Variants in INPP5A observed in about 807,000 individuals in gnomAD.
INPP5A encodes inositol polyphosphate-5-phosphatase A.
Under a neutral mutation model 65.2 loss-of-function variants are expected in INPP5A, and 14 were observed. That is an observed-to-expected ratio of 0.21 (90% confidence interval 0.14 to 0.34). The LOEUF (loss-of-function observed/expected upper bound fraction) is 0.34, where lower values mean the gene tolerates loss of function less well. Among genes scored for constraint, INPP5A ranks in the 10% least tolerant of loss-of-function variants. The pLI, the probability that INPP5A is intolerant of heterozygous loss-of-function variation, is 1.00. For missense variants in INPP5A, 431 were observed against 545.6 expected, an observed-to-expected ratio of 0.79 and a Z score of 2.09; for synonymous variants, 207 against 208.3, an observed-to-expected ratio of 0.99 and a Z score of 0.05.
At chr10:132,682,900 CAT>C (rs546031772) in intron 4 of INPP5A, among the ~76,000 whole-genome samples, 37 of 148,456 alleles carry the variant, frequency 2.5e-4, no homozygotes, top group African/African-American at 5.0e-4. Context: ...TGTGTGTACA[CAT>C]GTGTGTGATC....
At chr10:132,548,620 C>A (rs2071008872) in intron 1 of INPP5A, among the ~76,000 whole-genome samples, 1 of 152,200 alleles carries the variant, frequency 6.6e-6, no homozygotes, top group African/African-American at 2.4e-5. Flanking sequence ...AGTCCCTGCT[C>A]CCGGCCCTGG....
Position 132,543,297 on chromosome 10 carries a change from C to T in INPP5A, c.75+5126C>T, listed in dbSNP as rs187265328. ...TTCCTCTCTGTGGATTTGCCTGTCC[C>T]GGGCGTTTCACATACATGGGATCAG... On this transcript the variant is annotated intron_variant, in intron 1 of 15. Coordinates refer to ENST00000368594, the MANE Select transcript of INPP5A (RefSeq NM_005539.5). Among the ~76,000 whole-genome samples, 132 of 152,312 alleles carry T rather than the reference C, an allele frequency of 8.7e-4. No homozygotes were observed. In the Middle Eastern group the frequency reaches 0.027, roughly 31 times the overall value.
At chr10:132,689,154 GAC>G (rs371984616) in intron 4 of INPP5A, among the ~76,000 whole-genome samples, 123 of 152,352 alleles carry the variant, frequency 8.1e-4, no homozygotes, top group African/African-American at 2.8e-3. Context: ...GGCTCACACA[GAC>G]ACAGTGAGGG....
intron 2 of INPP5A, among the ~76,000 whole-genome samples, chr10:132,628,269 T>C (rs1464226158): frequency 6.6e-6 from 1 of 152,154 alleles, no homozygotes; most frequent in Admixed American, 6.5e-5. Flanking sequence ...AGGCTCCCCT[T>C]TCTGGGCTGT....
At chr10:132,703,768 A>C (rs28610301) in intron 6 of INPP5A, among the ~76,000 whole-genome samples, 389 of 27,118 alleles carry the variant, frequency 0.014, 3 homozygotes, top group Middle Eastern at 0.038. Flanking sequence ...CACCCCCCCC[A>C]CACACACACA....
At chr10:132,689,594 G>A (rs1845221482) in intron 4 of INPP5A, among the ~76,000 whole-genome samples, 1 of 152,208 alleles carries the variant, frequency 6.6e-6, no homozygotes. Flanking sequence ...CAGGCCCCGT[G>A]TTGGGGTTGC....
Position 132,706,793 on chromosome 10 carries a change from A to T in INPP5A, c.475-1520A>T, listed in dbSNP as rs1020642815. Among the ~76,000 whole-genome samples, 1 of 152,096 alleles carries T rather than the reference A, an allele frequency of 6.6e-6. No individual in the cohort carries two copies. Among genetic ancestry groups the T allele is most frequent in the African/African-American group, 2.4e-5 (1 of 41,408 alleles). On this transcript the variant is annotated intron_variant, in intron 6 of 15. Transcript: ENST00000368594. This position sits in a 1 kb window ranked among gnomAD's most constrained non-coding sequence, Gnocchi z 4.7. Reference sequence around the variant, plus strand: ...GTCCTGGAGGGAGACAGGGAGAAGGAGACGGGGCTGCAGGGGCCACTGTGC... The same window carrying T: ...GTCCTGGAGGGAGACAGGGAGAAGGTGACGGGGCTGCAGGGGCCACTGTGC...
rs1018170136 is a variant in INPP5A, at chr10:132,753,119, C to T, written c.903+3274C>T. On this transcript the variant is annotated intron_variant, in intron 11 of 15. Transcript: ENST00000368594. This position sits in a 1 kb window ranked among gnomAD's most constrained non-coding sequence, Gnocchi z 5.3. Reference sequence around the variant, plus strand: ...CCTCTCTGTTTGGGGCCTGGGACGACGGCACCTTCGGGAACGCCCCATGGG... The same window carrying T: ...CCTCTCTGTTTGGGGCCTGGGACGATGGCACCTTCGGGAACGCCCCATGGG... Among the ~76,000 whole-genome samples, 3 of 152,152 alleles carry T rather than the reference C, an allele frequency of 2.0e-5. No homozygotes were observed. The highest frequency in any genetic ancestry group is 4.8e-5 in the African/African-American group (2 of 41,428).
intron 8 of INPP5A, among the ~76,000 whole-genome samples, chr10:132,721,275 T>C (rs1845872971): frequency 6.6e-6 from 1 of 150,794 alleles, no homozygotes; most frequent in South Asian, 2.1e-4. Context: ...GATAGCTGTC[T>C]TGCGGGTTCT....
intron 2 of INPP5A, among the ~76,000 whole-genome samples, chr10:132,609,125 A>G (rs1007243342): frequency 7.9e-5 from 12 of 152,232 alleles, no homozygotes; most frequent in African/African-American, 2.7e-4. Flanking sequence ...TGAGGAAGCC[A>G]TTGTTCTACA....
At chr10:132,658,606 C>T (rs1449758908) in intron 4 of INPP5A, among the ~76,000 whole-genome samples, 1 of 152,104 alleles carries the variant, frequency 6.6e-6, no homozygotes, top group Admixed American at 6.5e-5. Flanking sequence ...TGACGCGTGT[C>T]GATCTGTTTA....
intron 8 of INPP5A, among the ~76,000 whole-genome samples, chr10:132,717,451 C>T (rs1845760716): frequency 6.6e-6 from 1 of 151,558 alleles, no homozygotes. Context: ...GGGGGCTCTG[C>T]TAGCCCTGAG....
chr10:132,581,899 G>A (rs560542059), intron 1 of INPP5A, among the ~76,000 whole-genome samples: 5 of 151,714 alleles, frequency 3.3e-5, no homozygotes, highest in Non-Finnish European at 5.9e-5. Flanking sequence ...GTGCAGTGGC[G>A]CGATCTCGGC....
At chr10:132,744,731 AGAG>A (rs1284578424) in intron 9 of INPP5A, among the ~76,000 whole-genome samples, 1 of 152,160 alleles carries the variant, frequency 6.6e-6, no homozygotes, top group Non-Finnish European at 1.5e-5. Flanking sequence ...GAGGTGAGAC[AGAG>A]GACACGGCTC....
At chr10:132,730,406 C>A (rs1846063331) in intron 9 of INPP5A, among the ~76,000 whole-genome samples, 2 of 152,266 alleles carry the variant, frequency 1.3e-5, no homozygotes, top group Non-Finnish European at 2.9e-5. Flanking sequence ...GCTGCGTGGG[C>A]AGCGCGGGAG....
chr10:132,757,738 G>GA (rs1846652313), intron 11 of INPP5A, among the ~76,000 whole-genome samples: 1 of 132,464 alleles, frequency 7.5e-6, no homozygotes, highest in South Asian at 2.4e-4. Flanking sequence ...TGGGTCCCCG[G>GA]CCGACCCCAC....
At chr10:132,556,418 C>T (rs549629013) in intron 1 of INPP5A, among the ~76,000 whole-genome samples, 2 of 152,340 alleles carry the variant, frequency 1.3e-5, no homozygotes, top group South Asian at 4.1e-4. Flanking sequence ...CCTGTTGGGG[C>T]TGGTGGAAGC....
intron 4 of INPP5A, among the ~76,000 whole-genome samples, chr10:132,677,911 A>AT (rs529033136): frequency 1.8e-4 from 28 of 152,378 alleles, no homozygotes; most frequent in South Asian, 4.1e-4. Flanking sequence ...CAGGAACAGA[A>AT]TATCATTAGC....
chr10:132,715,146 G>A (rs941738290), intron 8 of INPP5A, among the ~76,000 whole-genome samples: 3 of 152,246 alleles, frequency 2.0e-5, no homozygotes, highest in African/African-American at 7.2e-5. Flanking sequence ...AGAGGTGCAC[G>A]TCAGCCTTCC....
Sources: gnomAD v4.1 joint callset for allele counts (sites outside exome capture counted in the v4.1 genomes callset) on GRCh38, gnomAD v4.1.1 for gene constraint, Gnocchi (gnomAD v3.1) non-coding constraint, MANE v1.5 for transcripts, NCBI Gene and HGNC (gene_info 2026-07-23, HGNC 2026-07-21) for gene names.